The following BCR variants were observed in gnomAD, a reference collection of about 807,000 sequenced individuals.
The protein encoded by BCR is BCR activator of RhoGEF and GTPase.
BCR carries 58 observed loss-of-function variants against 138.6 expected under a neutral mutation model. The observed-to-expected ratio is 0.42, with a 90% CI of 0.34 to 0.52. The LOEUF is 0.52. Ranked by LOEUF, BCR falls within the 20% of genes least tolerant of loss-of-function variation. BCR has a pLI of 0.06. For synonymous variants in BCR, 786 were observed against 730.1 expected, an observed-to-expected ratio of 1.08 and a Z score of -1.23; for missense variants, 1,599 against 1,727.2, an observed-to-expected ratio of 0.93 and a Z score of 1.32.
intron 1 of BCR, among the ~76,000 whole-genome samples, chr22:23,220,131 AT>A (rs2072806219): frequency 6.6e-6 from 1 of 152,220 alleles, no homozygotes; most frequent in South Asian, 2.1e-4. Context: ...CTAGCAGAGC[AT>A]GCGGGGGTCC....
chr22:23,213,926 T>G (rs2072718279), intron 1 of BCR, among the ~76,000 whole-genome samples: 1 of 152,036 alleles, frequency 6.6e-6, no homozygotes, highest in Admixed American at 6.5e-5. Context: ...CACTTTGAAT[T>G]ATGTTGAAAT....
chr22:23,260,776 T>G (rs971278814), intron 2 of BCR, 174 bp from the exon 3 acceptor site: 1 of 622,076 alleles, frequency 1.6e-6, no homozygotes, highest in African/African-American at 1.8e-5. Context: ...ACTGTGAGTG[T>G]GTGGCTTAGT....
chr22:23,315,750 C>T lies in BCR; in HGVS notation c.*228C>T, dbSNP rs2146334481. 3.2e-6 allele frequency: 2 copies of T among 628,588 alleles called. No individual in the cohort carries two copies. Among genetic ancestry groups the T allele is most frequent in the East Asian group, 6.1e-5 (2 of 32,964 alleles). 38.9% of individuals were successfully genotyped at this position (628,588 alleles called of 1,614,324 possible). A position where few individuals can be genotyped will look rare whatever the true frequency, so the allele number is the denominator to read the frequency against. Reference sequence around the variant, plus strand: ...CAGACTGTGGTTTTTTATGTGGCCACCTGAGGGCGCCCCAAGCCAGTTCAT... The same window carrying T: ...CAGACTGTGGTTTTTTATGTGGCCATCTGAGGGCGCCCCAAGCCAGTTCAT... On this transcript the variant is annotated 3_prime_UTR_variant, in exon 23 of 23. Coordinates refer to ENST00000305877, the MANE Select transcript of BCR (RefSeq NM_004327.4).
chr22:23,215,073 G>T (rs911134433), intron 1 of BCR, among the ~76,000 whole-genome samples: 1 of 152,180 alleles, frequency 6.6e-6, no homozygotes, highest in Non-Finnish European at 1.5e-5. Context: ...CATATGAGTG[G>T]AGTCCTACAG....
intron 8 of BCR, among the ~76,000 whole-genome samples, chr22:23,274,271 G>A (rs760872596): frequency 9.9e-5 from 15 of 152,208 alleles, no homozygotes; most frequent in Non-Finnish European, 1.6e-4. Context: ...AGCACTTCAC[G>A]TCTTCCTCCG....
chr22:23,227,877 C>T (rs1454079933), intron 1 of BCR, among the ~76,000 whole-genome samples: 1 of 151,996 alleles, frequency 6.6e-6, no homozygotes, highest in Non-Finnish European at 1.5e-5. Context: ...TACTGTTGGC[C>T]CCAGGGCTCT....
intron 1 of BCR, among the ~76,000 whole-genome samples, chr22:23,214,051 T>G (rs1242229457): frequency 1.3e-5 from 2 of 152,046 alleles, no homozygotes; most frequent in East Asian, 3.9e-4. Flanking sequence ...AGAGATGAGG[T>G]GTGCAAAAAA....
In BCR at chr22:23,181,587, G is replaced by A; in HGVS notation, c.627G>A (p.Gln209=). Residue 209 remains glutamine (Q), a synonymous_variant, in exon 1 of 23, where the codon CAG becomes CAA. Coordinates refer to ENST00000305877, the MANE Select transcript of BCR (RefSeq NM_004327.4). ...RISSLGSQAM[Q]MERKKSQHGA... ...GCTCCCTGGGCAGCCAGGCCATGCA[G>A]ATGGAGCGCAAAAAGTCCCAGCACG... 3 of 1,612,842 alleles carry A rather than the reference G, an allele frequency of 1.9e-6. No individual in the cohort carries two copies. The highest frequency in any genetic ancestry group is 2.2e-5 in the South Asian group (2 of 91,082).
At chr22:23,266,999 T>G (rs1287673375) in intron 4 of BCR, among the ~76,000 whole-genome samples, 1 of 152,060 alleles carries the variant, frequency 6.6e-6, no homozygotes, top group Non-Finnish European at 1.5e-5. Flanking sequence ...GACCACATTC[T>G]CAAAAGCAGT....
At chr22:23,213,606 T>A (rs1263337899) in intron 1 of BCR, among the ~76,000 whole-genome samples, 2 of 152,132 alleles carry the variant, frequency 1.3e-5, no homozygotes, top group African/African-American at 4.8e-5. Context: ...GAAGATTGCT[T>A]GAAGCCAGAA....
intron 1 of BCR, among the ~76,000 whole-genome samples, chr22:23,252,427 C>T (rs369824447): frequency 1.8e-4 from 22 of 119,490 alleles, no homozygotes; most frequent in South Asian, 1.1e-3. Flanking sequence ...TTTTTCTTTT[C>T]TTTTCTTTTT....
chr22:23,293,605 A>T (rs1602113821), intron 15 of BCR, among the ~76,000 whole-genome samples: 1 of 152,240 alleles, frequency 6.6e-6, no homozygotes, highest in East Asian at 1.9e-4. Context: ...CTTTGCAGAG[A>T]CCAAGAGTGC....
intron 1 of BCR, among the ~76,000 whole-genome samples, chr22:23,191,696 G>A (rs182256306): frequency 2.2e-4 from 33 of 152,240 alleles, no homozygotes; most frequent in African/African-American, 7.7e-4. Context: ...TCTGTGTCTC[G>A]GGCCCCGTGG....
At chr22:23,282,602 C>T (rs774490822) in intron 8 of BCR, among the ~76,000 whole-genome samples, 8 of 152,202 alleles carry the variant, frequency 5.3e-5, no homozygotes, top group African/African-American at 1.2e-4. Context: ...CGAGGCTCCC[C>T]GAGAAGAACC....
intron 1 of BCR, among the ~76,000 whole-genome samples, chr22:23,221,127 C>T (rs16998664): frequency 0.031 from 4,657 of 152,304 alleles, 261 homozygotes; most frequent in African/African-American, 0.11. Context: ...AGATGCAATA[C>T]TTCATTCTTC....
intron 8 of BCR, among the ~76,000 whole-genome samples, chr22:23,274,714 C>T (rs2073551977): frequency 6.6e-6 from 1 of 151,982 alleles, no homozygotes; most frequent in Admixed American, 6.6e-5. Context: ...TCGAGACCAG[C>T]CTGGCCAACA....
chr22:23,296,711 G>A (rs1270899214), intron 16 of BCR, among the ~76,000 whole-genome samples: 1 of 152,256 alleles, frequency 6.6e-6, no homozygotes, highest in Non-Finnish European at 1.5e-5. Context: ...GGACGCTGAA[G>A]CGAGAGGATT....
At chr22:23,234,159 C>T (rs1396788729) in intron 1 of BCR, among the ~76,000 whole-genome samples, 1 of 152,086 alleles carries the variant, frequency 6.6e-6, no homozygotes, top group East Asian at 1.9e-4. Flanking sequence ...TATTATGTGT[C>T]CTATCAGCTA....
intron 1 of BCR, among the ~76,000 whole-genome samples, chr22:23,248,348 CAAAA>C (rs55944854): frequency 1.8e-5 from 2 of 113,884 alleles, no homozygotes; most frequent in Admixed American, 1.8e-4. Context: ...GACTCCATCT[CAAAA>C]AAAAAAAAAA....
Sources: gnomAD v4.1 joint callset for allele counts (sites outside exome capture counted in the v4.1 genomes callset) on GRCh38, gnomAD v4.1.1 for gene constraint, MANE v1.5 for transcripts, NCBI Gene and HGNC (gene_info 2026-07-23, HGNC 2026-07-21) for gene names.